Variants in PHLDB2 observed in about 807,000 individuals in gnomAD.
The protein encoded by PHLDB2 is pleckstrin homology like domain family B member 2.
In PHLDB2, 71 loss-of-function variants were observed where a neutral mutation model predicts 123.6. The observed-to-expected ratio is 0.57, with a 90% CI of 0.47 to 0.70. The LOEUF (loss-of-function observed/expected upper bound fraction) is 0.70, where lower values mean the gene tolerates loss of function less well. Among genes scored for constraint, PHLDB2 ranks in the 30% least tolerant of loss-of-function variants. PHLDB2 has a pLI of 0.00. For missense variants in PHLDB2, 1,446 were observed against 1,519.5 expected, an observed-to-expected ratio of 0.95 and a Z score of 0.80; for synonymous variants, 547 against 541.6, an observed-to-expected ratio of 1.01 and a Z score of -0.14.
Position 111,926,270 on chromosome 3 carries a change from C to T in PHLDB2, c.2001+5851C>T, listed in dbSNP as rs141832337. The stretch of plus-strand genomic sequence containing the variant: ...TTAAATGGTTAAATCTTTTTTCCCA[C>T]GATTTTCTGGCCAAAGTACCTGTTA... On this transcript the variant is annotated intron_variant, in intron 5 of 17. Transcript: ENST00000431670. Among the ~76,000 whole-genome samples, 63 of 152,288 alleles carry T rather than the reference C, an allele frequency of 4.1e-4. No individual in the cohort carries two copies. In the East Asian group the frequency reaches 9.2e-3, roughly 22 times the overall value.
At chr3:111,939,091 A>G (rs1392177682) in intron 6 of PHLDB2, among the ~76,000 whole-genome samples, 1 of 152,030 alleles carries the variant, frequency 6.6e-6, no homozygotes, top group Non-Finnish European at 1.5e-5. Flanking sequence ...TACATGCATG[A>G]GCCACCCACC....
At chr3:111,819,404 A>G (rs1254998494) in intron 1 of PHLDB2, among the ~76,000 whole-genome samples, 2 of 152,212 alleles carry the variant, frequency 1.3e-5, no homozygotes, top group Non-Finnish European at 2.9e-5. Context: ...TCTGAATTCA[A>G]TGCCACTTAG....
Position 111,766,960 on chromosome 3 carries a change from C to T in PHLDB2, c.-49+34257C>T, listed in dbSNP as rs931147126. Among the ~76,000 whole-genome samples, 13 of 141,992 alleles carry T rather than the reference C, an allele frequency of 9.2e-5. No homozygotes were observed. In the South Asian group the frequency reaches 1.5e-3, roughly 17 times the overall value. 93.2% of individuals were successfully genotyped at this position (141,992 alleles called of 152,430 possible). A position where few individuals can be genotyped will look rare whatever the true frequency, so the allele number is the denominator to read the frequency against. The stretch of plus-strand genomic sequence containing the variant: ...GCAGGAGAATCGCTGGAACGTGAGA[C>T]GCAGAGGTTGCAGTGAGCCGAGATT... On this transcript the variant is annotated intron_variant, in intron 1 of 17. Coordinates refer to the PHLDB2 transcript ENST00000393923.
In PHLDB2 at chr3:111,969,918, T is replaced by C. The variant is rs1369833663; in HGVS notation, c.3535+9T>C. The C allele has an allele frequency of 6.2e-7, 1 of 1,612,026 alleles. No homozygotes were observed. The highest frequency in any genetic ancestry group is 8.5e-7 in the Non-Finnish European group (1 of 1,178,332). On this transcript the variant is annotated intron_variant, in intron 16 of 17. Coordinates refer to ENST00000431670, the MANE Select transcript of PHLDB2 (RefSeq NM_001134438.2). ...ATTCTCTTATTATGCAGGTGGGTGA[T>C]AAAAACAATTTAAGCCATATACTCA...
Position 111,884,249 on chromosome 3 carries a change from TC to T in PHLDB2, c.174del (p.Tyr59IlefsTer2). On this transcript the variant is annotated frameshift_variant, in exon 2 of 18. Transcript: ENST00000431670. LOFTEE classifies it high-confidence loss of function. ...RFKANGDYSGSYLTLSQPVPA... is the reference protein window; with the variant it reads ...RFKANGDYSGXYLTLSQPVPA... ...TAAAGCCAATGGAGACTATTCTGGC[TC>T]CTATTTAACCCTCTCACAACCTGTG... The T allele has an allele frequency of 6.2e-7, 1 of 1,614,190 alleles. No individual in the cohort carries two copies. The highest frequency in any genetic ancestry group is 8.5e-7 in the Non-Finnish European group (1 of 1,180,018).
chr3:111,945,324 A>G lies in PHLDB2; in HGVS notation c.2454A>G (p.Lys818=), dbSNP rs1208303113. The change falls in exon 9 of 18, where the codon AAA becomes AAG. Residue 818 remains lysine (K), a synonymous_variant. Coordinates refer to ENST00000431670, the MANE Select transcript of PHLDB2 (RefSeq NM_001134438.2). ...EKKYSSLSGG[K]GFPVNPNTLK... ...AATACTCCAGCCTCTCTGGGGGGAA[A>G]GGGTTTCCCGTTAACCCCAATACTT... 1 of 1,610,374 alleles carries G rather than the reference A, an allele frequency of 6.2e-7. No individual in the cohort carries two copies. The highest frequency in any genetic ancestry group is 1.7e-5 in the Admixed American group (1 of 59,834).
intron 2 of PHLDB2, among the ~76,000 whole-genome samples, chr3:111,890,818 G>C (rs2066437508): frequency 6.6e-6 from 1 of 152,130 alleles, no homozygotes; most frequent in Non-Finnish European, 1.5e-5. Context: ...TGTGCTATTT[G>C]AGATGTTTAG....
chr3:111,776,407 T>C (rs1430805239), intron 1 of PHLDB2, among the ~76,000 whole-genome samples: 1 of 152,150 alleles, frequency 6.6e-6, no homozygotes, highest in East Asian at 1.9e-4. Flanking sequence ...AAAGTATTTA[T>C]AATTTATGGG....
At position 111,933,130 on chromosome 3, in the gene PHLDB2, A is replaced by G. The variant is rs918782349; in HGVS notation, c.2130+733A>G. Among the ~76,000 whole-genome samples the G allele has an allele frequency of 3.3e-5, 5 of 152,344 alleles. No individual in the cohort carries two copies. In the East Asian group the frequency reaches 9.6e-4, roughly 29 times the overall value. ...TTCACAAACACTGGCACAGCCACTTAATATTTCATAGCCTCTTGGCAACTG... is the reference window on the plus strand; with the variant it reads ...TTCACAAACACTGGCACAGCCACTTGATATTTCATAGCCTCTTGGCAACTG... On this transcript the variant is annotated intron_variant, in intron 6 of 17. Transcript: ENST00000431670.
chr3:111,875,930 G>C (rs929297664), intron 1 of PHLDB2, among the ~76,000 whole-genome samples: 1 of 151,722 alleles, frequency 6.6e-6, no homozygotes, highest in Non-Finnish European at 1.5e-5. Flanking sequence ...TTGTCAAAAT[G>C]GTCCAAATGT....
intron 1 of PHLDB2, among the ~76,000 whole-genome samples, chr3:111,801,270 C>A (rs2061367328): frequency 6.6e-6 from 1 of 152,154 alleles, no homozygotes; most frequent in Non-Finnish European, 1.5e-5. Flanking sequence ...AGCACAGGGC[C>A]ACATTGAAAT....
At chr3:111,807,999 C>T (rs763429814) in intron 1 of PHLDB2, among the ~76,000 whole-genome samples, 1 of 145,980 alleles carries the variant, frequency 6.9e-6, no homozygotes, top group African/African-American at 2.6e-5. Context: ...AGTTCTCAGG[C>T]CTGGCTGCAC....
chr3:111,914,462 C>T (rs1033788317), intron 3 of PHLDB2: 1 of 152,036 alleles, frequency 6.6e-6, no homozygotes, highest in Admixed American at 6.5e-5. Context: ...AAGTGTTCTC[C>T]ATACACTTGC....
In PHLDB2 at chr3:111,788,300, C is replaced by A. The variant is rs1243106971; in HGVS notation, c.-49+55597C>A. Among the ~76,000 whole-genome samples, 3 of 152,302 alleles carry A rather than the reference C, an allele frequency of 2.0e-5. No homozygotes were observed. The East Asian group carries it at 5.8e-4, about 29-fold the overall frequency. ...ATGCCATGGGGTTATATCTGGATGACTACCTTCCTATGACCAAAAACTAAG... is the reference window on the plus strand; with the variant it reads ...ATGCCATGGGGTTATATCTGGATGAATACCTTCCTATGACCAAAAACTAAG... On this transcript the variant is annotated intron_variant, in intron 1 of 17. Coordinates refer to the PHLDB2 transcript ENST00000393923.
chr3:111,740,562 T>C (rs1403058135), intron 1 of PHLDB2, among the ~76,000 whole-genome samples: 2 of 152,214 alleles, frequency 1.3e-5, no homozygotes, highest in African/African-American at 2.4e-5. Flanking sequence ...CTATTCCTAA[T>C]ATCTAACTAA....
intron 1 of PHLDB2, among the ~76,000 whole-genome samples, chr3:111,774,154 C>A (rs1383714613): frequency 6.6e-6 from 1 of 152,180 alleles, no homozygotes; most frequent in East Asian, 1.9e-4. Context: ...AGGGAGGGCT[C>A]CTTAGTTATT....
At chr3:111,798,689 A>C (rs1056108653) in intron 1 of PHLDB2, among the ~76,000 whole-genome samples, 2 of 151,338 alleles carry the variant, frequency 1.3e-5, no homozygotes, top group African/African-American at 4.8e-5. Flanking sequence ...AATAAAAATA[A>C]AATAAAATAA....
intron 1 of PHLDB2, among the ~76,000 whole-genome samples, chr3:111,751,932 A>T (rs1559811989): frequency 6.6e-6 from 1 of 152,164 alleles, no homozygotes. Flanking sequence ...CATCTCAGAG[A>T]ATCTATTCAG....
Position 111,884,563 on chromosome 3 carries a change from C to T in PHLDB2, c.486C>T (p.Tyr162=), listed in dbSNP as rs751351598. Residue 162 remains tyrosine (Y), a synonymous_variant, in exon 2 of 18, where the codon TAC becomes TAT. Coordinates refer to ENST00000431670, the MANE Select transcript of PHLDB2 (RefSeq NM_001134438.2). ...SSRHKSHDNV[Y]SLGGLEGRKA... is the part of the protein sequence containing the mutation. ...GGCATAAATCGCATGACAATGTCTA[C>T]TCTCTTGGAGGGCTGGAAGGTCGGA... The T allele has an allele frequency of 9.9e-6, 16 of 1,614,112 alleles. No homozygotes were observed. The highest frequency in any genetic ancestry group is 1.1e-5 in the South Asian group (1 of 91,068).
Sources: allele counts gnomAD v4.1 joint callset (sites outside exome capture counted in the v4.1 genomes callset), GRCh38; gene constraint gnomAD v4.1.1; transcripts MANE v1.5; gene names NCBI Gene and HGNC (gene_info 2026-07-23, HGNC 2026-07-21).